The following ZNF827 variants were observed in gnomAD, a reference collection of about 807,000 sequenced individuals.
The protein encoded by ZNF827 is zinc finger protein 827.
Under a neutral mutation model 102.4 loss-of-function variants are expected in ZNF827, and 13 were observed. The observed-to-expected ratio is 0.13, with a 90% CI of 0.08 to 0.20. The LOEUF is 0.20. Ranked by LOEUF, ZNF827 falls within the 10% of genes least tolerant of loss-of-function variation. ZNF827 has a pLI of 1.00. For missense variants in ZNF827, 1,103 were observed against 1,344.4 expected, an observed-to-expected ratio of 0.82 and a Z score of 2.81; for synonymous variants, 523 against 536.2, an observed-to-expected ratio of 0.98 and a Z score of 0.34.
intron 7 of ZNF827, among the ~76,000 whole-genome samples, chr4:145,836,614 A>G (rs892981379): frequency 3.3e-5 from 5 of 151,950 alleles, no homozygotes; most frequent in African/African-American, 1.2e-4. Flanking sequence ...CTCCCACATT[A>G]TTCCTGATAC....
At position 145,899,724 on chromosome 4, in the gene ZNF827, C is replaced by T. The variant is rs144995486; in HGVS notation, c.1093+2442G>A. On this transcript the variant is annotated intron_variant, in intron 2 of 14. Transcript: ENST00000508784. ...ATGAAAGATTTTTTAAATAAAATTA[C>T]TCTGCTGATGAAGCTGCTTCTTCAA... 5.0e-3 allele frequency among the ~76,000 whole-genome samples: 758 copies of T among 152,300 alleles called. 4 individuals are homozygous for T. The highest frequency in any genetic ancestry group is 0.015 in the African/African-American group (611 of 41,536).
chr4:145,820,124 C>G (rs189504476), intron 8 of ZNF827: 26 of 152,884 alleles, frequency 1.7e-4, no homozygotes, highest in African/African-American at 6.0e-4. Flanking sequence ...CACACTGAAG[C>G]TACCATGGAT....
At chr4:145,863,963 G>A (rs1304765160) in intron 5 of ZNF827, among the ~76,000 whole-genome samples, 2 of 152,054 alleles carry the variant, frequency 1.3e-5, no homozygotes, top group Non-Finnish European at 2.9e-5. Context: ...GGAGGCTGAG[G>A]TGGGCAGATT....
At chr4:145,909,077 T>C (rs1181934447) in intron 1 of ZNF827, among the ~76,000 whole-genome samples, 3 of 152,226 alleles carry the variant, frequency 2.0e-5, no homozygotes, top group Non-Finnish European at 4.4e-5. Flanking sequence ...AAATTGTATA[T>C]TTTTATAAAA....
At chr4:145,889,498 T>C (rs1750411849) in intron 3 of ZNF827, among the ~76,000 whole-genome samples, 1 of 151,832 alleles carries the variant, frequency 6.6e-6, no homozygotes, top group African/African-American at 2.4e-5. Context: ...AGATTCTAAC[T>C]AAGGTTTTTC....
At chr4:145,764,877 A>G (rs1298046419) in intron 13 of ZNF827, 111 bp downstream of exon 13, 1 of 1,477,750 alleles carries the variant, frequency 6.8e-7, no homozygotes, top group African/African-American at 1.4e-5. Context: ...TCTCATACCA[A>G]GCTCCCCTTC....
chr4:145,763,001 C>T lies in ZNF827; in HGVS notation c.*17+89G>A. On this transcript the variant is annotated intron_variant, in intron 14 of 14. Coordinates refer to ENST00000508784, the MANE Select transcript of ZNF827 (RefSeq NM_001306215.2). The surrounding 1 kb of genome is among the most constrained non-coding windows in gnomAD (Gnocchi z 4.6). ...AAGCTCGCCGTTAGCCTTTGAACCT[C>T]AGCTCACAGAAGAGTGCACACGAGA... The T allele has an allele frequency of 2.3e-6, 3 of 1,297,864 alleles. No homozygotes were observed. In the South Asian group the frequency reaches 4.1e-5, roughly 18 times the overall value. 80.4% of individuals were successfully genotyped at this position (1,297,864 alleles called of 1,614,324 possible).
chr4:145,878,704 G>A (rs113685554), intron 4 of ZNF827, among the ~76,000 whole-genome samples: 33 of 148,952 alleles, frequency 2.2e-4, no homozygotes, highest in African/African-American at 7.9e-4. Context: ...AGGGAGGAAG[G>A]GAGAGAGAGG....
chr4:145,812,004 T>C (rs898123701), intron 8 of ZNF827, among the ~76,000 whole-genome samples: 1 of 151,784 alleles, frequency 6.6e-6, no homozygotes, highest in Admixed American at 6.6e-5. Flanking sequence ...AACCTCCACC[T>C]CCTGGGTTCA....
chr4:145,832,284 CAAAAA>C, intron 7 of ZNF827: 1 of 140,986 alleles, frequency 7.1e-6, no homozygotes, highest in Non-Finnish European at 1.5e-5. Context: ...AACAAACAAA[CAAAAA>C]ACAAAACAAA....
At chr4:145,883,390 T>G (rs564895016) in intron 4 of ZNF827, among the ~76,000 whole-genome samples, 76 of 152,324 alleles carry the variant, frequency 5.0e-4, no homozygotes, top group African/African-American at 1.7e-3. Flanking sequence ...CATAAACAAC[T>G]CCCCATCAAT....
intron 5 of ZNF827, among the ~76,000 whole-genome samples, chr4:145,862,642 T>C (rs2126722938): frequency 6.6e-6 from 1 of 152,296 alleles, no homozygotes; most frequent in East Asian, 1.9e-4. Flanking sequence ...AGTTGACATA[T>C]AAATATTCTT....
In ZNF827 at chr4:145,823,541, G is replaced by A. The variant is rs371377709; in HGVS notation, c.2280-16C>T. 7.7e-5 allele frequency: 121 copies of A among 1,567,318 alleles called. 1 individual carries two copies. The highest frequency in any genetic ancestry group is 9.8e-5 in the Non-Finnish European group (112 of 1,138,108). The stretch of plus-strand genomic sequence containing the variant: ...AAAGAAAGGGCTGGGGTGGGGGAGG[G>A]GGAGTGAAGTTTAGTAAATTAAAGT... On this transcript the variant is annotated splice_polypyrimidine_tract_variant and intron_variant, in intron 7 of 14. Coordinates refer to ENST00000508784, the MANE Select transcript of ZNF827 (RefSeq NM_001306215.2).
chr4:145,800,978 G>C (rs1740848237), intron 8 of ZNF827, among the ~76,000 whole-genome samples: 1 of 152,180 alleles, frequency 6.6e-6, no homozygotes, highest in African/African-American at 2.4e-5. Flanking sequence ...GTGCCCTGGT[G>C]ATTACCAAGG....
intron 1 of ZNF827, among the ~76,000 whole-genome samples, chr4:145,920,986 A>G (rs1294095886): frequency 3.3e-5 from 5 of 152,250 alleles, no homozygotes; most frequent in Non-Finnish European, 7.3e-5. Flanking sequence ...GTAAGGAAGT[A>G]TACTATGCAC....
intron 1 of ZNF827, among the ~76,000 whole-genome samples, chr4:145,930,264 T>C (rs1385057388): frequency 6.6e-6 from 1 of 152,180 alleles, no homozygotes; most frequent in Non-Finnish European, 1.5e-5. Context: ...GTGCTACTGA[T>C]CAATCATGTA....
chr4:145,921,331 T>A (rs887132050), intron 1 of ZNF827, among the ~76,000 whole-genome samples: 1 of 152,172 alleles, frequency 6.6e-6, no homozygotes, highest in African/African-American at 2.4e-5. Flanking sequence ...GTCCAGACTT[T>A]ATCCTTTTAG....
At chr4:145,935,566 T>G (rs1754100574) in intron 1 of ZNF827, among the ~76,000 whole-genome samples, 1 of 152,216 alleles carries the variant, frequency 6.6e-6, no homozygotes, top group East Asian at 1.9e-4. Flanking sequence ...AATTAAGGCC[T>G]CCCTTTCAAA....
intron 3 of ZNF827, among the ~76,000 whole-genome samples, chr4:145,887,025 G>C (rs961392604): frequency 5.3e-5 from 8 of 152,250 alleles, no homozygotes. Flanking sequence ...TCATAAGCTT[G>C]TAACTTCCCC....
Sources: allele counts gnomAD v4.1 joint callset (sites outside exome capture counted in the v4.1 genomes callset), GRCh38; gene constraint gnomAD v4.1.1; non-coding constraint Gnocchi (gnomAD v3.1); transcripts MANE v1.5; gene names NCBI Gene and HGNC (gene_info 2026-07-23, HGNC 2026-07-21).